The following USP48 variants were observed in gnomAD, a reference collection of about 807,000 sequenced individuals.
The protein encoded by USP48 is ubiquitin specific peptidase 48, also known as ubiquitin carboxyl-terminal hydrolase 48.
In USP48, 43 loss-of-function variants were observed where a neutral mutation model predicts 150.7. That is an observed-to-expected ratio of 0.29 (90% confidence interval 0.22 to 0.37). The LOEUF (loss-of-function observed/expected upper bound fraction) is 0.37. USP48 is among the 10% of genes least tolerant of loss of function. The pLI is 1.00. For missense variants in USP48, 813 were observed against 1,249.6 expected (o/e 0.65, Z 5.27); for synonymous variants, 396 against 425.9 (o/e 0.93, Z 0.86).
chr1:21,733,798 T>C (rs1401561811), intron 9 of USP48, among the ~76,000 whole-genome samples: 3 of 152,104 alleles, frequency 2.0e-5, no homozygotes, highest in African/African-American at 7.2e-5. Context: ...TCTTTTTTTT[T>C]TTCTTTTTTT....
chr1:21,752,964 T>A lies in USP48; in HGVS notation c.540+28A>T, dbSNP rs144608162. 5,617 of 1,270,180 alleles carry A rather than the reference T, an allele frequency of 4.4e-3. 2 individuals carry two copies. Among genetic ancestry groups the A allele is most frequent in the South Asian group, 7.3e-3 (502 of 68,790 alleles). The allele number at this position is 1,270,180 out of a possible 1,614,324, so 78.7% of individuals were successfully genotyped here. A position where few individuals can be genotyped will look rare whatever the true frequency, so the allele number is the denominator to read the frequency against. ...GGATGTTTGGGTACCTCTGAATATT[T>A]AAAAAAAAAAAAAAATTCAGTTCTT... On this transcript the variant is annotated intron_variant, in intron 4 of 26. Coordinates refer to ENST00000308271, the MANE Select transcript of USP48 (RefSeq NM_032236.8).
At chr1:21,713,271 C>A (rs578201253) in intron 15 of USP48, among the ~76,000 whole-genome samples, 1 of 152,144 alleles carries the variant, frequency 6.6e-6, no homozygotes, top group African/African-American at 2.4e-5. Context: ...CCACCCCTGG[C>A]TAATTTCTTG....
intron 8 of USP48, among the ~76,000 whole-genome samples, chr1:21,742,459 G>A (rs1032204874): frequency 2.0e-5 from 3 of 151,556 alleles, no homozygotes; most frequent in South Asian, 2.1e-4. Flanking sequence ...CATGAGAATC[G>A]CTTGAACCTG....
intron 8 of USP48, among the ~76,000 whole-genome samples, chr1:21,737,486 C>T (rs1245854296): frequency 1.3e-5 from 2 of 152,082 alleles, no homozygotes; most frequent in Non-Finnish European, 2.9e-5. Context: ...TTTATACATA[C>T]ATCAAAATAT....
In USP48 at chr1:21,707,302, T is replaced by TC. The variant is rs1343494402; in HGVS notation, c.1964-435dup. Among the ~76,000 whole-genome samples the TC allele has an allele frequency of 8.5e-5, 13 of 152,310 alleles. No homozygotes were observed. In the South Asian group the frequency reaches 2.7e-3, roughly 32 times the overall value. On this transcript the variant is annotated intron_variant, in intron 15 of 26. Transcript: ENST00000308271. Reference sequence around the variant, plus strand: ...ATCATTTCCTGCAGACTTTATTGCCTCCCATTTGACTAATCTTGAAATCAC... The same window carrying TC: ...ATCATTTCCTGCAGACTTTATTGCCTCCCCATTTGACTAATCTTGAAATCAC...
intron 9 of USP48, among the ~76,000 whole-genome samples, chr1:21,734,692 T>C (rs1325854174): frequency 6.6e-6 from 1 of 152,244 alleles, no homozygotes; most frequent in African/African-American, 2.4e-5. Context: ...TGTGAAATGA[T>C]ATGACCACAC....
intron 12 of USP48, among the ~76,000 whole-genome samples, chr1:21,722,429 C>T (rs1232216671): frequency 6.6e-6 from 1 of 151,026 alleles, no homozygotes; most frequent in African/African-American, 2.4e-5. Flanking sequence ...GTCCTAGCTA[C>T]TTGGGAAGCT....
At position 21,731,005 on chromosome 1, in the gene USP48, C is replaced by T. The variant is rs561770839; in HGVS notation, c.1172-1173G>A. 1.5e-3 allele frequency among the ~76,000 whole-genome samples: 228 copies of T among 152,092 alleles called. 1 individual carries two copies. Among genetic ancestry groups the T allele is most frequent in the Non-Finnish European group, 2.5e-3 (171 of 67,992 alleles). ...CGATCTACTGACCTCACAATCTGCCCGCCTCAGCCTCCCAAAGTGTTGGGA... is the reference window on the plus strand; with the variant it reads ...CGATCTACTGACCTCACAATCTGCCTGCCTCAGCCTCCCAAAGTGTTGGGA... On this transcript the variant is annotated intron_variant, in intron 9 of 26. Transcript: ENST00000308271.
intron 5 of USP48, among the ~76,000 whole-genome samples, chr1:21,752,038 AGAAAT>A (rs2097816828): frequency 6.6e-6 from 1 of 152,000 alleles, no homozygotes; most frequent in African/African-American, 2.4e-5. Context: ...AAAAAAGAAA[AGAAAT>A]AAAAACAAAG....
chr1:21,778,601 T>TAAAAAAAAAAAAA (rs35911894), intron 1 of USP48, among the ~76,000 whole-genome samples: 1 of 88,918 alleles, frequency 1.1e-5, no homozygotes, highest in African/African-American at 4.7e-5. Flanking sequence ...ACCCTCATCT[T>TAAAAAAAAAAAAA]AAAAAAAAAA....
intron 14 of USP48, among the ~76,000 whole-genome samples, chr1:21,716,940 A>ACC (rs2097706107): frequency 6.6e-6 from 1 of 152,076 alleles, no homozygotes; most frequent in Admixed American, 6.6e-5. Context: ...AGGCAGGAGA[A>ACC]TGGCGGGAAC....
At chr1:21,777,613 G>T (rs1337540441) in intron 1 of USP48, among the ~76,000 whole-genome samples, 1 of 152,074 alleles carries the variant, frequency 6.6e-6, no homozygotes, top group Non-Finnish European at 1.5e-5. Context: ...GCTACAGTGA[G>T]CTACAATCAC....
chr1:21,775,263 G>C (rs149587562), intron 1 of USP48, among the ~76,000 whole-genome samples: 1 of 151,774 alleles, frequency 6.6e-6, no homozygotes, highest in Non-Finnish European at 1.5e-5. Flanking sequence ...ATTTTGTTTG[G>C]TTGGTTGGTT....
chr1:21,701,252 G>A (rs1176791329), intron 22 of USP48, among the ~76,000 whole-genome samples: 2 of 150,918 alleles, frequency 1.3e-5, no homozygotes, highest in African/African-American at 2.4e-5. Context: ...TATAATCCCA[G>A]CTACTTAGGA....
At chr1:21,769,459 C>CTAGA (rs2097872880) in intron 1 of USP48, among the ~76,000 whole-genome samples, 1 of 151,826 alleles carries the variant, frequency 6.6e-6, no homozygotes, top group African/African-American at 2.4e-5. Context: ...GTCACCCAGG[C>CTAGA]TAGAGTACAG....
intron 6 of USP48, among the ~76,000 whole-genome samples, chr1:21,748,667 T>C (rs1278800016): frequency 6.6e-6 from 1 of 152,216 alleles, no homozygotes; most frequent in African/African-American, 2.4e-5. Context: ...TCCCAACACT[T>C]TGGGAGGCCG....
At chr1:21,780,738 ATT>A (rs34071636) in intron 1 of USP48, among the ~76,000 whole-genome samples, 27 of 117,422 alleles carry the variant, frequency 2.3e-4, no homozygotes, top group African/African-American at 4.5e-4. Context: ...AGATAAGATA[ATT>A]TTTTTTTTTT....
At chr1:21,753,961 G>A (rs557824806) in intron 3 of USP48, among the ~76,000 whole-genome samples, 7 of 151,886 alleles carry the variant, frequency 4.6e-5, no homozygotes, top group African/African-American at 1.7e-4. Flanking sequence ...GGGAGTTCCA[G>A]ACCAGCCTGG....
At chr1:21,728,886 G>C (rs937658107) in intron 10 of USP48, among the ~76,000 whole-genome samples, 167 bp from the exon 11 acceptor site, 1 of 152,180 alleles carries the variant, frequency 6.6e-6, no homozygotes, top group East Asian at 1.9e-4. Context: ...AAGTAAAAGT[G>C]AAGACAGCCA....
Sources: gnomAD v4.1 joint callset for allele counts (sites outside exome capture counted in the v4.1 genomes callset) on GRCh38, gnomAD v4.1.1 for gene constraint, MANE v1.5 for transcripts, NCBI Gene and HGNC (gene_info 2026-07-23, HGNC 2026-07-21) for gene names.